Variants in ANGPTL6 observed in about 807,000 individuals in gnomAD.
The protein encoded by ANGPTL6 is angiopoietin like 6, also known as angiopoietin-related protein 6.
In ANGPTL6, 45 loss-of-function variants were observed where a neutral mutation model predicts 47.4. The ratio of observed to expected loss-of-function variants is 0.95; its 90% confidence interval spans 0.75 to 1.22. The LOEUF (loss-of-function observed/expected upper bound fraction) is 1.22, where lower values mean the gene tolerates loss of function less well. Among genes scored for constraint, ANGPTL6 ranks in the 50% most tolerant of loss-of-function variants. The pLI is 0.00. For synonymous variants in ANGPTL6, 290 were observed against 295.9 expected (o/e 0.98, Z 0.20); for missense variants, 698 against 669.4 (o/e 1.04, Z -0.47).
At chr19:10,095,748 C>T (rs545163395) in intron 2 of ANGPTL6, among the ~76,000 whole-genome samples, 3 of 152,206 alleles carry the variant, frequency 2.0e-5, no homozygotes, top group East Asian at 3.9e-4. Context: ...TTGGTCTTTA[C>T]GTGATAATGA....
chr19:10,100,252 A>C (rs924342279), intron 1 of ANGPTL6, among the ~76,000 whole-genome samples: 1 of 151,890 alleles, frequency 6.6e-6, no homozygotes, highest in Non-Finnish European at 1.5e-5. Context: ...TCTCAAAAAA[A>C]AAGAAAAAAA....
intron 1 of ANGPTL6, 95 bp from the exon 2 acceptor site, chr19:10,096,668 AT>A: frequency 1.0e-6 from 1 of 972,922 alleles, no homozygotes; most frequent in Non-Finnish European, 1.4e-6. Context: ...TACACCCGCG[AT>A]GTCCCGGGCC....
In ANGPTL6 at chr19:10,093,511, C is replaced by G. The variant is rs779222736; in HGVS notation, c.1060G>C (p.Gly354Arg). Residue 354 changes from glycine (G) to arginine (R), a missense_variant, in exon 5 of 6, where the codon GGC becomes CGC. By Grantham distance (125) the Gly-to-Arg change is moderately radical. Coordinates refer to ENST00000253109, the MANE Select transcript of ANGPTL6 (RefSeq NM_031917.3). ...TCATAGTGGGCACGTGCTCCACGGC[C>G]CCCCCAGTCCTCCAGGAGAACCAGC... ...ELLVLLEDWG[G>R]RGARAHYDGF... 14 of 1,614,086 alleles carry G rather than the reference C, an allele frequency of 8.7e-6. No homozygotes were observed. The highest frequency in any genetic ancestry group is 5.9e-6 in the Non-Finnish European group (7 of 1,180,044).
Position 10,096,172 on chromosome 19 carries a change from T to C in ANGPTL6, c.392A>G (p.Glu131Gly), listed in dbSNP as rs576667683. Residue 131 changes from glutamate to glycine, a missense_variant, in exon 2 of 6, where the codon GAG (glutamate) becomes GGG (glycine). Coordinates refer to ENST00000253109, the MANE Select transcript of ANGPTL6 (RefSeq NM_031917.3). ...GAGPGADLGAEPAAALALLGE... is the reference protein window; with the variant it reads ...GAGPGADLGAGPAAALALLGE... ...GAGCAGCGCCAGCGCCGCGGCAGGCTCCGCCCCCAGATCCGCCCCCGGGCC... is the reference window on the plus strand; with the variant it reads ...GAGCAGCGCCAGCGCCGCGGCAGGCCCCGCCCCCAGATCCGCCCCCGGGCC... 1 of 1,298,172 alleles carries C rather than the reference T, an allele frequency of 7.7e-7. No individual in the cohort carries two copies. The highest frequency in any genetic ancestry group is 9.8e-7 in the Non-Finnish European group (1 of 1,023,212). 80.4% of individuals were successfully genotyped at this position (1,298,172 alleles called of 1,614,324 possible). A position where few individuals can be genotyped will look rare whatever the true frequency, so the allele number is the denominator to read the frequency against.
In ANGPTL6 at chr19:10,096,356, C is replaced by T; in HGVS notation, c.208G>A (p.Gly70Ser). ...SELAALRMRVGRHEELLRELQ... is the reference protein window; with the variant it reads ...SELAALRMRVSRHEELLRELQ... The stretch of plus-strand genomic sequence containing the variant: ...TCGCGTAACAGCTCCTCGTGGCGGC[C>T]GACGCGCATGCGCAGCGCCGCCAGC... The change falls in exon 2 of 6, where the codon GGC (glycine) becomes AGC (serine). Residue 70 changes from glycine to serine, a missense_variant. By Grantham distance (56) the Gly-to-Ser change is moderately conservative. Transcript: ENST00000253109. 1 of 1,287,384 alleles carries T rather than the reference C, an allele frequency of 7.8e-7. No homozygotes were observed. The highest frequency in any genetic ancestry group is 9.8e-7 in the Non-Finnish European group (1 of 1,022,474). The allele number at this position is 1,287,384 out of a possible 1,614,324, so 79.7% of individuals were successfully genotyped here.
intron 1 of ANGPTL6, among the ~76,000 whole-genome samples, chr19:10,097,793 C>T (rs888272039): frequency 4.6e-5 from 7 of 151,964 alleles, no homozygotes; most frequent in Admixed American, 1.3e-4. Flanking sequence ...GCAGAGCTTG[C>T]GGTGAGCCGA....
At chr19:10,094,656 T>C in intron 3 of ANGPTL6, 102 bp downstream of exon 3, 1 of 1,385,082 alleles carries the variant, frequency 7.2e-7, no homozygotes, top group Non-Finnish European at 1.0e-6. Context: ...AATAGGAGTA[T>C]CATTTCTTCT....
At chr19:10,102,770 A>G (rs1462800994), upstream of ANGPTL6, 7 of 984,184 alleles carry the variant, frequency 7.1e-6, no homozygotes, top group East Asian at 1.1e-4. Flanking sequence ...AGCCCAAACT[A>G]TAAATATTTA....
At position 10,096,263 on chromosome 19, in the gene ANGPTL6, G is replaced by T; in HGVS notation, c.301C>A (p.Arg101Ser). The part of the protein sequence containing the change: ...GEVRALRKES[R>S]GLSARLGQLR... ...TGGCCCAGGCGCGCGCTCAGGCCGC[G>T]GCTCTCCTTGCGCAGCGCGCGCACC... The change falls in exon 2 of 6, where the codon CGC becomes AGC. Residue 101 changes from arginine (R) to serine (S), a missense_variant. By Grantham distance (110) the Arg-to-Ser change is moderately radical (BLOSUM62 -1). Coordinates refer to ENST00000253109, the MANE Select transcript of ANGPTL6 (RefSeq NM_031917.3). The T allele has an allele frequency of 8.4e-7, 1 of 1,191,340 alleles. No homozygotes were observed. Among genetic ancestry groups the T allele is most frequent in the East Asian group, 3.7e-5 (1 of 27,264 alleles). 73.8% of individuals were successfully genotyped at this position (1,191,340 alleles called of 1,614,324 possible).
intron 1 of ANGPTL6, among the ~76,000 whole-genome samples, chr19:10,097,439 A>G (rs2336689): frequency 0.17 from 25,434 of 151,978 alleles, 2,326 homozygotes; most frequent in East Asian, 0.31. Flanking sequence ...CCCCCTTTCT[A>G]GGCACTGGGA....
upstream of ANGPTL6, among the ~76,000 whole-genome samples, chr19:10,106,033 G>A (rs2088811117): frequency 6.6e-6 from 1 of 152,228 alleles, no homozygotes; most frequent in South Asian, 2.1e-4. Flanking sequence ...ATACATGGTC[G>A]CTCCTAATTC....
chr19:10,101,673 TAA>T (rs2088682557), intron 1 of ANGPTL6, among the ~76,000 whole-genome samples: 5 of 150,036 alleles, frequency 3.3e-5, no homozygotes, highest in Middle Eastern at 3.5e-3. Context: ...CTGGGCATGG[TAA>T]TGCATGCCTG....
chr19:10,098,346 G>A (rs528483338), intron 1 of ANGPTL6, among the ~76,000 whole-genome samples: 4 of 151,448 alleles, frequency 2.6e-5, no homozygotes. Context: ...AGCAAACCCT[G>A]TCTCTTAAAA....
At chr19:10,093,974 A>G (rs1357369410) in intron 3 of ANGPTL6, 94 bp from the exon 4 acceptor site, 13 of 1,350,372 alleles carry the variant, frequency 9.6e-6, no homozygotes, top group Non-Finnish European at 1.2e-5. Flanking sequence ...TCTCACCAGA[A>G]TAAGAGTTCT....
chr19:10,099,853 T>TTCTC (rs140980342), intron 1 of ANGPTL6, among the ~76,000 whole-genome samples: 8 of 100,836 alleles, frequency 7.9e-5, no homozygotes, highest in African/African-American at 2.5e-4. Flanking sequence ...CTTTCTCTCT[T>TTCTC]TCTCTCTCTC....
chr19:10,103,824 G>A (rs1017065999), upstream of ANGPTL6, among the ~76,000 whole-genome samples: 4 of 150,988 alleles, frequency 2.6e-5, no homozygotes, highest in East Asian at 1.9e-4. Flanking sequence ...GCTGGGCGCG[G>A]TGGCTCACGC....
rs1274423042 is a variant in ANGPTL6 at position 10,092,757 on chromosome 19, C to T, written c.1245G>A (p.Arg415=). ...CACAGGCATGGTACCACCAGCCTCC[C>T]CGCTGGTACAGGGCACAGTTACCTG... ...SYSGNCALYQ[R]GGWWYHACAH... Residue 415 remains arginine (R), a synonymous_variant, in exon 6 of 6, where the codon CGG becomes CGA. Coordinates refer to ENST00000253109, the MANE Select transcript of ANGPTL6 (RefSeq NM_031917.3). 2 of 1,607,962 alleles carry T rather than the reference C, an allele frequency of 1.2e-6. No homozygotes were observed. The highest frequency in any genetic ancestry group is 1.1e-5 in the South Asian group (1 of 90,840).
chr19:10,096,159 C>T lies in ANGPTL6; in HGVS notation c.405G>A (p.Ala135=). The change falls in exon 2 of 6, where the codon GCG becomes GCA. Residue 135 remains alanine (A), a synonymous_variant. Transcript: ENST00000253109. The part of the protein sequence containing the change: ...GADLGAEPAA[A]LALLGERVLN... ...GCACGCGCTCCCCGAGCAGCGCCAG[C>T]GCCGCGGCAGGCTCCGCCCCCAGAT... is the stretch of plus-strand genomic sequence containing the variant. 6 of 1,320,380 alleles carry T rather than the reference C, an allele frequency of 4.5e-6. No homozygotes were observed. Among genetic ancestry groups the T allele is most frequent in the Non-Finnish European group, 5.8e-6 (6 of 1,034,730 alleles). 81.8% of individuals were successfully genotyped at this position (1,320,380 alleles called of 1,614,324 possible).
In ANGPTL6 at chr19:10,096,476, T is replaced by TGTAG. The variant is rs1309218523; in HGVS notation, c.84_87dup (p.Thr30LeufsTer184). ...AACTTCTGCGGGGGCAGCACGAAGG[T>TGTAG]GTAGGTGCAGCGCGGGGCGCCCGCC... On this transcript the variant is annotated frameshift_variant, in exon 2 of 6. Coordinates refer to ENST00000253109, the MANE Select transcript of ANGPTL6 (RefSeq NM_031917.3). LOFTEE classifies it high-confidence loss of function. 2 of 1,505,496 alleles carry TGTAG rather than the reference T, an allele frequency of 1.3e-6. No homozygotes were observed. The highest frequency in any genetic ancestry group is 2.4e-5 in the South Asian group (2 of 82,168). 93.3% of individuals were successfully genotyped at this position (1,505,496 alleles called of 1,614,324 possible).
Sources: allele counts gnomAD v4.1 joint callset (sites outside exome capture counted in the v4.1 genomes callset), GRCh38; gene constraint gnomAD v4.1.1; transcripts MANE v1.5; gene names NCBI Gene and HGNC (gene_info 2026-07-23, HGNC 2026-07-21).